The following UMPS variants were observed in gnomAD, a reference collection of about 807,000 sequenced individuals.
UMPS encodes the protein uridine monophosphate synthetase.
Under a neutral mutation model 38.9 loss-of-function variants are expected in UMPS, and 21 were observed. That is an observed-to-expected ratio of 0.54 (90% confidence interval 0.38 to 0.78). The LOEUF is 0.78. UMPS is among the 30% of genes least tolerant of loss of function. UMPS has a pLI of 0.00. For missense variants in UMPS, 533 were observed against 591.6 expected (o/e 0.90, Z 1.03); for synonymous variants, 208 against 219.3 (o/e 0.95, Z 0.45).
At chr3:124,731,373 A>C in intron 1 of UMPS, 1 of 254,234 alleles carries the variant, frequency 3.9e-6, no homozygotes, top group Non-Finnish European at 8.1e-6. Flanking sequence ...GCCCCGGGAC[A>C]ATTATTTAAA....
At chr3:124,735,298 C>T in intron 2 of UMPS, 52 bp downstream of exon 2, 7 of 1,543,380 alleles carry the variant, frequency 4.5e-6, no homozygotes, top group Non-Finnish European at 6.2e-6. Flanking sequence ...TAACATCATA[C>T]TCTTAGAATT....
chr3:124,743,725 C>A (rs1173692864), intron 5 of UMPS, among the ~76,000 whole-genome samples, 190 bp from the exon 6 acceptor site: 1 of 152,102 alleles, frequency 6.6e-6, no homozygotes, highest in Non-Finnish European at 1.5e-5. Context: ...CATCTTTCTC[C>A]ATTTGACGTC....
chr3:124,744,084 A>G lies in UMPS; in HGVS notation c.1443A>G (p.Ter481TrpextTer11). The stretch of plus-strand genomic sequence containing the variant: ...CGTATTTGAGTAGACTTGGTGTTTG[A>G]GTGCTTCAGATACATTTTTCAGATA... ...WEAYLSRLGV* is the reference protein window; with the variant it reads ...WEAYLSRLGVW Residue 481 changes from the stop codon to tryptophan, a stop_lost, in exon 6 of 6, where the codon TGA (stop) becomes TGG (tryptophan). Coordinates refer to ENST00000232607, the MANE Select transcript of UMPS (RefSeq NM_000373.4). 6.2e-7 allele frequency: 1 copy of G among 1,614,008 alleles called. No homozygotes were observed. Among genetic ancestry groups the G allele is most frequent in the Non-Finnish European group, 8.5e-7 (1 of 1,179,936 alleles).
chr3:124,743,678 A>C (rs570381641), intron 5 of UMPS, among the ~76,000 whole-genome samples: 1 of 151,960 alleles, frequency 6.6e-6, no homozygotes, highest in Non-Finnish European at 1.5e-5. Context: ...AAATAAATAA[A>C]TAAAATAAAC....
intron 1 of UMPS, chr3:124,733,439 T>C: frequency 5.4e-6 from 1 of 184,454 alleles, no homozygotes. Flanking sequence ...TTGGTGAGGG[T>C]CATGAGGCAG....
chr3:124,736,506 T>C (rs1437384704), intron 2 of UMPS, among the ~76,000 whole-genome samples: 2 of 152,146 alleles, frequency 1.3e-5, no homozygotes. Context: ...TCTCACTCTG[T>C]TGCCCAGGCT....
Position 124,747,079 on chromosome 3 carries a change from A to G in UMPS, c.*2995A>G, listed in dbSNP as rs1979411. 0.19 allele frequency: 84,193 copies of G among 453,280 alleles called. 8,638 individuals carry two copies. The highest frequency in any genetic ancestry group is 0.29 in the Admixed American group (12,422 of 42,520). 28.1% of individuals were successfully genotyped at this position (453,280 alleles called of 1,614,324 possible). On this transcript the variant is annotated 3_prime_UTR_variant, in exon 6 of 6. Transcript: ENST00000232607. ...CTGGAGTATATCATGGCTCACTGCA[A>G]CCTTGACTTGGGCTCAAGCGATCCG...
Position 124,730,596 on chromosome 3 carries a change from G to C in UMPS, c.125G>C (p.Gly42Ala). 6.2e-7 allele frequency: 1 copy of C among 1,612,492 alleles called. No individual in the cohort carries two copies. Among genetic ancestry groups the C allele is most frequent in the Non-Finnish European group, 8.5e-7 (1 of 1,178,606 alleles). Residue 42 changes from glycine (G) to alanine (A), a missense_variant, in exon 1 of 6, where the codon GGC becomes GCC. By Grantham distance (60) the Gly-to-Ala change is moderately conservative (BLOSUM62 0). Coordinates refer to ENST00000232607, the MANE Select transcript of UMPS (RefSeq NM_000373.4). ...LSSPIYIDLR[G>A]IVSRPRLLSQ... is the part of the protein sequence containing the mutation. ...TCCCCCATCTACATCGATCTGCGGGGCATCGTGTCTCGACCGCGTCTTCTG... is the reference window on the plus strand; with the variant it reads ...TCCCCCATCTACATCGATCTGCGGGCCATCGTGTCTCGACCGCGTCTTCTG...
intron 4 of UMPS, among the ~76,000 whole-genome samples, chr3:124,741,357 A>C (rs1261116240): frequency 1.3e-5 from 2 of 152,170 alleles, no homozygotes; most frequent in Non-Finnish European, 2.9e-5. Flanking sequence ...GGAAGTATCA[A>C]ATAAGAAGGG....
intron 4 of UMPS, 106 bp downstream of exon 4, chr3:124,740,305 A>T: frequency 8.3e-7 from 1 of 1,201,028 alleles, no homozygotes; most frequent in Non-Finnish European, 1.2e-6. Context: ...CCAAAAAAAA[A>T]ATCCAGCTCT....
In UMPS at chr3:124,747,929, C is replaced by A; in HGVS notation, c.*3845C>A. ...CTGTGGACTCTCTGCAGCTTGGTTC[C>A]TTTGCCCCTTAACAGGTGGGTATGA... On this transcript the variant is annotated 3_prime_UTR_variant, in exon 6 of 6. Coordinates refer to ENST00000232607, the MANE Select transcript of UMPS (RefSeq NM_000373.4). The A allele has an allele frequency of 2.2e-6, 1 of 453,942 alleles. No individual in the cohort carries two copies. Among genetic ancestry groups the A allele is most frequent in the Non-Finnish European group, 4.4e-6 (1 of 226,700 alleles). 28.1% of individuals were successfully genotyped at this position (453,942 alleles called of 1,614,324 possible). A position where few individuals can be genotyped will look rare whatever the true frequency, so the allele number is the denominator to read the frequency against.
At position 124,745,893 on chromosome 3, in the gene UMPS, C is replaced by G. The variant is rs1257757900; in HGVS notation, c.*1809C>G. 2.2e-6 allele frequency: 1 copy of G among 454,018 alleles called. No homozygotes were observed. Among genetic ancestry groups the G allele is most frequent in the African/African-American group, 2.0e-5 (1 of 50,012 alleles). 28.1% of individuals were successfully genotyped at this position (454,018 alleles called of 1,614,324 possible). A position where few individuals can be genotyped will look rare whatever the true frequency, so the allele number is the denominator to read the frequency against. ...GTGGTTCTCCCACTTTAGCAGGTATCAGAGTCACCTGGAGTCTTGTCAAAA... is the reference window on the plus strand; with the variant it reads ...GTGGTTCTCCCACTTTAGCAGGTATGAGAGTCACCTGGAGTCTTGTCAAAA... On this transcript the variant is annotated 3_prime_UTR_variant, in exon 6 of 6. Transcript: ENST00000232607.
chr3:124,743,915 G>C lies in UMPS; in HGVS notation c.1274G>C (p.Gly425Ala), dbSNP rs1157537300. 3.1e-6 allele frequency: 5 copies of C among 1,614,070 alleles called. No individual in the cohort carries two copies. Among genetic ancestry groups the C allele is most frequent in the Non-Finnish European group, 4.2e-6 (5 of 1,179,972 alleles). The change falls in exon 6 of 6, where the codon GGA (glycine) becomes GCA (alanine). Residue 425 changes from glycine to alanine, a missense_variant and splice_region_variant. By Grantham distance (60) the Gly-to-Ala change is moderately conservative. Coordinates refer to ENST00000232607, the MANE Select transcript of UMPS (RefSeq NM_000373.4). The part of the protein sequence containing the change: ...LTPGVQLEAG[G>A]DNLGQQYNSP... ...ACAACAATTTTTGTGTTTCTTGCAGGAGATAATCTTGGCCAACAGTACAAT... is the reference window on the plus strand; with the variant it reads ...ACAACAATTTTTGTGTTTCTTGCAGCAGATAATCTTGGCCAACAGTACAAT...
At position 124,737,814 on chromosome 3, in the gene UMPS, A is replaced by G. The variant is rs761667236; in HGVS notation, c.557A>G (p.Gln186Arg). Residue 186 changes from glutamine to arginine, a missense_variant, in exon 3 of 6, where the codon CAG (glutamine) becomes CGG (arginine). Physicochemically the swap from Gln to Arg is conservative, Grantham distance 43. Transcript: ENST00000232607. ...LSKMLEILEQ[Q>R]KKVDAETVGR... is the part of the protein sequence containing the mutation. The stretch of plus-strand genomic sequence containing the variant: ...AAAATGCTGGAGATTCTCGAGCAGC[A>G]GAAAAAAGTTGATGCTGAGACAGTT... 39 of 1,614,116 alleles carry G rather than the reference A, an allele frequency of 2.4e-5. No homozygotes were observed. Among genetic ancestry groups the G allele is most frequent in the Non-Finnish European group, 3.1e-5 (36 of 1,180,046 alleles).
chr3:124,743,086 C>A (rs1326314674), intron 5 of UMPS, among the ~76,000 whole-genome samples: 1 of 152,156 alleles, frequency 6.6e-6, no homozygotes, highest in Non-Finnish European at 1.5e-5. Flanking sequence ...GTAATCCCAG[C>A]ACTTTGTGAG....
At chr3:124,732,550 C>T (rs1055497604) in intron 1 of UMPS, 3 of 154,670 alleles carry the variant, frequency 1.9e-5, no homozygotes, top group Admixed American at 6.6e-5. Flanking sequence ...AGTAGAGGGC[C>T]GTAAATATGC....
intron 1 of UMPS, among the ~76,000 whole-genome samples, chr3:124,734,424 A>G (rs1293510151): frequency 6.6e-6 from 1 of 152,216 alleles, no homozygotes; most frequent in Non-Finnish European, 1.5e-5. Context: ...CTAAAAGATG[A>G]TAGGTTTAGA....
chr3:124,736,787 C>T (rs952087152), intron 2 of UMPS, among the ~76,000 whole-genome samples: 9 of 152,092 alleles, frequency 5.9e-5, no homozygotes, highest in Admixed American at 1.3e-4. Context: ...GTTCAAGAAG[C>T]GGAAAGGATT....
Position 124,744,723 on chromosome 3 carries a change from C to T in UMPS, c.*639C>T. 2.2e-6 allele frequency: 1 copy of T among 454,010 alleles called. No individual in the cohort carries two copies. Among genetic ancestry groups the T allele is most frequent in the Non-Finnish European group, 4.4e-6 (1 of 226,756 alleles). 28.1% of individuals were successfully genotyped at this position (454,010 alleles called of 1,614,324 possible). A position where few individuals can be genotyped will look rare whatever the true frequency, so the allele number is the denominator to read the frequency against. On this transcript the variant is annotated 3_prime_UTR_variant, in exon 6 of 6. Transcript: ENST00000232607. The stretch of plus-strand genomic sequence containing the variant: ...TGTGCCCAGCCTAATTGCAGTAAGA[C>T]AAAAATTCTAGGGCACCAAGAGGCT...
Sources: allele counts gnomAD v4.1 joint callset (sites outside exome capture counted in the v4.1 genomes callset), GRCh38; gene constraint gnomAD v4.1.1; transcripts MANE v1.5; gene names NCBI Gene and HGNC (gene_info 2026-07-23, HGNC 2026-07-21).